ZC3H12D: variants seen among roughly 807,000 people sequenced by gnomAD.
ZC3H12D encodes the protein probable ribonuclease ZC3H12D.
ZC3H12D carries 11 observed loss-of-function variants against 24.2 expected under a neutral mutation model. The observed-to-expected ratio is 0.46, with a 90% CI of 0.29 to 0.75. The LOEUF is 0.75. ZC3H12D is among the 30% of genes least tolerant of loss of function. The pLI, the probability that ZC3H12D is intolerant of heterozygous loss-of-function variation, is 0.11. For missense variants in ZC3H12D, 740 were observed against 767.7 expected, an observed-to-expected ratio of 0.96 and a Z score of 0.43; for synonymous variants, 333 against 341.8, an observed-to-expected ratio of 0.97 and a Z score of 0.28.
intron 1 of ZC3H12D, among the ~76,000 whole-genome samples, chr6:149,475,990 G>A (rs541573439): frequency 6.6e-5 from 10 of 152,214 alleles, no homozygotes; most frequent in East Asian, 5.8e-4. Context: ...TCCAAGCAAC[G>A]TAGAAGCATA....
Position 149,451,224 on chromosome 6 carries a change from CG to C in ZC3H12D, c.1042del (p.Arg348GlyfsTer150). Reference protein sequence around the residue: ...DLAALRGSFSRLAFSDDLGPL... With the variant: ...DLAALRGSFSXLAFSDDLGPL... ...CCCCAGGTCGTCGCTGAAGGCCAGC[CG>C]AGAGAAGCTCCCTCGCAGGGCGGCC... On this transcript the variant is annotated frameshift_variant, in exon 6 of 6. Transcript: ENST00000409806. LOFTEE classifies it low-confidence loss of function (END_TRUNC). 1.5e-6 allele frequency: 2 copies of C among 1,304,116 alleles called. No individual in the cohort carries two copies. Among genetic ancestry groups the C allele is most frequent in the Non-Finnish European group, 1.9e-6 (2 of 1,032,844 alleles). The allele number at this position is 1,304,116 out of a possible 1,614,324, so 80.8% of individuals were successfully genotyped here. A position where few individuals can be genotyped will look rare whatever the true frequency, so the allele number is the denominator to read the frequency against.
chr6:149,469,538 C>T (rs928922854), intron 2 of ZC3H12D, among the ~76,000 whole-genome samples: 9 of 152,118 alleles, frequency 5.9e-5, no homozygotes, highest in African/African-American at 1.9e-4. Context: ...ATTTTGAACA[C>T]GCTTTCAATG....
At chr6:149,461,160 G>A (rs1776066136) in intron 3 of ZC3H12D, among the ~76,000 whole-genome samples, 1 of 152,000 alleles carries the variant, frequency 6.6e-6, no homozygotes. Flanking sequence ...GGCCAACATG[G>A]TGAAACTCCA....
chr6:149,476,293 T>C (rs1351809134), intron 1 of ZC3H12D, among the ~76,000 whole-genome samples: 1 of 152,040 alleles, frequency 6.6e-6, no homozygotes, highest in Non-Finnish European at 1.5e-5. Context: ...GATCACAAGG[T>C]CAGGAATTCG....
rs1775894820 is a variant in ZC3H12D at position 149,451,490 on chromosome 6, CG to C, written c.788-12del. On this transcript the variant is annotated splice_polypyrimidine_tract_variant and intron_variant, in intron 5 of 5. Transcript: ENST00000409806. Reference sequence around the variant, plus strand: ...AGGTGCATTTCTTGCCTGAAAGGGGCGGGGGCAGAGAGGGCGCGACGTGAGG... The same window carrying C: ...AGGTGCATTTCTTGCCTGAAAGGGGCGGGGCAGAGAGGGCGCGACGTGAGG... 1.9e-6 allele frequency: 3 copies of C among 1,556,932 alleles called. No individual in the cohort carries two copies. In the African/African-American group the frequency reaches 4.3e-5, roughly 22 times the overall value.
chr6:149,463,255 G>C (rs1281494467), intron 2 of ZC3H12D, among the ~76,000 whole-genome samples: 2 of 152,222 alleles, frequency 1.3e-5, no homozygotes, highest in Non-Finnish European at 2.9e-5. Flanking sequence ...AAATTCCATA[G>C]AAGACTTCAA....
intron 2 of ZC3H12D, among the ~76,000 whole-genome samples, chr6:149,466,891 TAAAATA>T (rs1344561653): frequency 1.7e-5 from 1 of 58,492 alleles, no homozygotes; most frequent in Non-Finnish European, 3.7e-5. Context: ...TAAAATAAAA[TAAAATA>T]AAATAAAATA....
intron 2 of ZC3H12D, among the ~76,000 whole-genome samples, chr6:149,469,736 A>C: frequency 6.6e-6 from 1 of 152,044 alleles, no homozygotes; most frequent in East Asian, 1.9e-4. Flanking sequence ...AGTCCATGAG[A>C]GCTACTATTT....
chr6:149,480,772 G>A lies in ZC3H12D; in HGVS notation c.-71+4041C>T, dbSNP rs1344372305. Among the ~76,000 whole-genome samples the A allele has an allele frequency of 3.3e-5, 5 of 152,124 alleles. No homozygotes were observed. The South Asian group carries it at 6.2e-4, about 19-fold the overall frequency. ...AAAAAAACAAACAAAAAACAGGTGA[G>A]GAAGGTCTTATCTTCCTTGGAGGGG... On this transcript the variant is annotated intron_variant, in intron 1 of 5. Coordinates refer to ENST00000409806, the MANE Select transcript of ZC3H12D (RefSeq NM_207360.3).
At chr6:149,468,624 T>A (rs548936314) in intron 2 of ZC3H12D, among the ~76,000 whole-genome samples, 1 of 152,266 alleles carries the variant, frequency 6.6e-6, no homozygotes, top group South Asian at 2.1e-4. Flanking sequence ...ACTCTGACCC[T>A]TCTCACCAGG....
rs805027 is a variant in ZC3H12D at position 149,449,540 on chromosome 6, T to C, written c.*1143A>G. On this transcript the variant is annotated 3_prime_UTR_variant, in exon 6 of 6. Coordinates refer to ENST00000409806, the MANE Select transcript of ZC3H12D (RefSeq NM_207360.3). ...GCAACCTCCGCCTCCCAGGTTCAAG[T>C]GATTCTCCTGCCTCAGCCTCCTGAG... is the stretch of plus-strand genomic sequence containing the variant. 0.27 allele frequency: 40,715 copies of C among 151,826 alleles called. 7,128 individuals are homozygous for C. Among genetic ancestry groups the C allele is most frequent in the East Asian group, 0.74 (3,748 of 5,098 alleles). 9.4% of individuals were successfully genotyped at this position (151,826 alleles called of 1,614,324 possible).
At chr6:149,475,732 C>T (rs1170114087) in intron 1 of ZC3H12D, among the ~76,000 whole-genome samples, 2 of 146,896 alleles carry the variant, frequency 1.4e-5, no homozygotes, top group African/African-American at 5.0e-5. Flanking sequence ...AAAAAAGGGG[C>T]CTGCCCCAAA....
At position 149,456,622 on chromosome 6, in the gene ZC3H12D, C is replaced by CCCCCCCCCCCCCCCCCCGGGGGGCG; in HGVS notation, c.680+43_680+44insCGCCCCCCGGGGGGGGGGGGGGGGG. 3.0e-6 allele frequency: 4 copies of CCCCCCCCCCCCCCCCCCGGGGGGCG among 1,314,352 alleles called. No homozygotes were observed. Among genetic ancestry groups the CCCCCCCCCCCCCCCCCCGGGGGGCG allele is most frequent in the Admixed American group, 1.7e-5 (1 of 57,820 alleles). The allele number at this position is 1,314,352 out of a possible 1,614,324, so 81.4% of individuals were successfully genotyped here. On this transcript the variant is annotated intron_variant, in intron 4 of 5. Transcript: ENST00000409806. The surrounding 1 kb of genome is among the most constrained non-coding windows in gnomAD (Gnocchi z 4.3). ...GGCCACTGCCTCGACCCCGGCCCCC[C>CCCCCCCCCCCCCCCCCCGGGGGGCG]GCCCCGCCGCCCCCCAGGGTGTCAG...
At chr6:149,476,160 C>T (rs965795092) in intron 1 of ZC3H12D, among the ~76,000 whole-genome samples, 3 of 152,120 alleles carry the variant, frequency 2.0e-5, no homozygotes, top group African/African-American at 4.8e-5. Context: ...TAGTTTTACA[C>T]AAATGGTGTC....
At chr6:149,461,077 T>C (rs1449721944) in intron 3 of ZC3H12D, among the ~76,000 whole-genome samples, 1 of 152,142 alleles carries the variant, frequency 6.6e-6, no homozygotes, top group African/African-American at 2.4e-5. Context: ...GTGAGGTGGC[T>C]CTCGCCTCTA....
At position 149,451,364 on chromosome 6, in the gene ZC3H12D, C is replaced by CGTATCATTACAAAA; in HGVS notation, c.902_903insTTTTGTAATGATAC (p.Gly302PhefsTer201). The CGTATCATTACAAAA allele has an allele frequency of 6.6e-7, 1 of 1,509,740 alleles. No homozygotes were observed. 93.5% of individuals were successfully genotyped at this position (1,509,740 alleles called of 1,614,324 possible). A position where few individuals can be genotyped will look rare whatever the true frequency, so the allele number is the denominator to read the frequency against. The stretch of plus-strand genomic sequence containing the variant: ...TCGGTGGCCGCTGCTCCTCGGCGCC[C>CGTATCATTACAAAA]GCGCCAGGCCGGGCCCCTGTCTTGG... On this transcript the variant is annotated frameshift_variant, in exon 6 of 6. Coordinates refer to ENST00000409806, the MANE Select transcript of ZC3H12D (RefSeq NM_207360.3). LOFTEE classifies it low-confidence loss of function (END_TRUNC).
intron 1 of ZC3H12D, among the ~76,000 whole-genome samples, chr6:149,479,379 T>G (rs1173198622): frequency 6.6e-6 from 1 of 152,078 alleles, no homozygotes; most frequent in Non-Finnish European, 1.5e-5. Context: ...AAAACTAAAT[T>G]TAAAAAACAA....
At chr6:149,462,045 G>A (rs1776082570) in intron 2 of ZC3H12D, 75 bp from the exon 3 acceptor site, 2 of 1,508,890 alleles carry the variant, frequency 1.3e-6, no homozygotes, top group South Asian at 1.3e-5. Context: ...GAATATCCTG[G>A]ATCACAGTCT....
chr6:149,451,016 G>T lies in ZC3H12D; in HGVS notation c.1251C>A (p.His417Gln). 1 of 1,456,262 alleles carries T rather than the reference G, an allele frequency of 6.9e-7. No individual in the cohort carries two copies. Among genetic ancestry groups the T allele is most frequent in the Non-Finnish European group, 9.0e-7 (1 of 1,110,760 alleles). The allele number at this position is 1,456,262 out of a possible 1,614,324, so 90.2% of individuals were successfully genotyped here. A position where few individuals can be genotyped will look rare whatever the true frequency, so the allele number is the denominator to read the frequency against. The change falls in exon 6 of 6, where the codon CAC (histidine) becomes CAA (glutamine). Residue 417 changes from histidine to glutamine, a missense_variant. Coordinates refer to ENST00000409806, the MANE Select transcript of ZC3H12D (RefSeq NM_207360.3). ...AGTCGCCGTGCAGGTCCCTAGGGCG[G>T]TGTTCGCCCCGCGGCTGGAGCTGCA... ...PGLQLQPRGE[H>Q]RPRDLHGDLL...
Sources: allele counts gnomAD v4.1 joint callset (sites outside exome capture counted in the v4.1 genomes callset), GRCh38; gene constraint gnomAD v4.1.1; non-coding constraint Gnocchi (gnomAD v3.1); transcripts MANE v1.5; gene names NCBI Gene and HGNC (gene_info 2026-07-23, HGNC 2026-07-21).